The following IST1 variants were observed in gnomAD, a reference collection of about 807,000 sequenced individuals.
The protein encoded by IST1 is IST1 homolog.
In IST1, 23 loss-of-function variants were observed where a neutral mutation model predicts 37.0. The ratio of observed to expected loss-of-function variants is 0.62; its 90% CI spans 0.45 to 0.88. The LOEUF (loss-of-function observed/expected upper bound fraction) is 0.88. IST1 is among the 40% of genes least tolerant of loss of function. The pLI, the probability that IST1 is intolerant of heterozygous loss-of-function variation, is 0.00. For synonymous variants in IST1, 180 were observed against 161.7 expected (o/e 1.11, Z -0.86); for missense variants, 488 against 445.4 (o/e 1.10, Z -0.86).
Position 71,923,341 on chromosome 16 carries a change from T to TA in IST1, c.813_814insA (p.Pro272ThrfsTer12). On this transcript the variant is annotated frameshift_variant, in exon 8 of 10. Coordinates refer to ENST00000378799, the MANE Select transcript of IST1 (RefSeq NM_001270975.2). LOFTEE classifies it high-confidence loss of function. The stretch of plus-strand genomic sequence containing the variant: ...CTTATCAGGCCTTTCCCAATATTCA[T>TA]CCACCTCAGATACCAGCAACTCCCC... 6.2e-7 allele frequency: 1 copy of TA among 1,612,642 alleles called. No homozygotes were observed. Among genetic ancestry groups the TA allele is most frequent in the Non-Finnish European group, 8.5e-7 (1 of 1,178,814 alleles).
rs904184298 is a variant in IST1, at chr16:71,929,979, C to A, written c.*2166C>A. 1.6e-5 allele frequency: 23 copies of A among 1,425,874 alleles called. No homozygotes were observed. In the South Asian group the frequency reaches 2.9e-4, roughly 18 times the overall value. The allele number at this position is 1,425,874 out of a possible 1,614,324, so 88.3% of individuals were successfully genotyped here. On this transcript the variant is annotated 3_prime_UTR_variant, in exon 10 of 10. Coordinates refer to ENST00000378799, the MANE Select transcript of IST1 (RefSeq NM_001270975.2). ...TGCATTATAAATTATGTCAGCCCGT[C>A]ATCTTAGGGGCAGTTACAGTGGAGC...
At chr16:71,894,972 G>C (rs201907905), upstream of IST1, 57 of 761,170 alleles carry the variant, frequency 7.5e-5, no homozygotes, top group East Asian at 1.6e-3. Context: ...AGCGATGCTG[G>C]TCCAAAGGGC....
intron 6 of IST1, 137 bp downstream of exon 6, chr16:71,921,590 A>T (rs1310141070): frequency 1.7e-6 from 1 of 605,950 alleles, no homozygotes; most frequent in Non-Finnish European, 2.9e-6. Context: ...TTATGACAAT[A>T]AATGTGCCTG....
chr16:71,904,502 T>A (rs528377078), intron 1 of IST1, among the ~76,000 whole-genome samples: 1 of 152,186 alleles, frequency 6.6e-6, no homozygotes, highest in Non-Finnish European at 1.5e-5. Flanking sequence ...AGCCTTGACC[T>A]CCTGGGCTTA....
chr16:71,896,194 G>A (rs552614913), intron 1 of IST1, among the ~76,000 whole-genome samples: 1 of 152,196 alleles, frequency 6.6e-6, no homozygotes, highest in Non-Finnish European at 1.5e-5. Context: ...GAGAGGTCTT[G>A]GAAGGATCCT....
chr16:71,894,930 GA>G, upstream of IST1: 1 of 1,076,436 alleles, frequency 9.3e-7, no homozygotes, highest in East Asian at 2.6e-5. Flanking sequence ...TGGTGCTGAG[GA>G]AACACTACTG....
At chr16:71,903,342 A>G (rs1013205545) in intron 1 of IST1, 1 of 152,164 alleles carries the variant, frequency 6.6e-6, no homozygotes, top group Non-Finnish European at 1.5e-5. Context: ...CCTTAGCTAC[A>G]TCCCACAAAT....
intron 9 of IST1, among the ~76,000 whole-genome samples, chr16:71,925,572 C>A (rs980450514): frequency 2.6e-5 from 4 of 152,220 alleles, no homozygotes; most frequent in Admixed American, 6.5e-5. Context: ...CCTCAGCCTC[C>A]CAAAGTGCTG....
chr16:71,898,357 ACT>A (rs1233364266), intron 1 of IST1, among the ~76,000 whole-genome samples: 1 of 112,518 alleles, frequency 8.9e-6, no homozygotes, highest in Non-Finnish European at 1.7e-5. Context: ...TGACAGAGAC[ACT>A]CTCTCTCTCA....
chr16:71,929,217 T>G lies in IST1; in HGVS notation c.*1404T>G, dbSNP rs770283292. On this transcript the variant is annotated 3_prime_UTR_variant, in exon 10 of 10. Transcript: ENST00000378799. ...CAGTGGCAGGGCTCCGCATCTGCCA[T>G]GCCTCATCCTTGGATGTTTATTTTT... The G allele has an allele frequency of 4.6e-6, 1 of 215,084 alleles. No homozygotes were observed. Among genetic ancestry groups the G allele is most frequent in the South Asian group, 8.5e-5 (1 of 11,810 alleles). The allele number at this position is 215,084 out of a possible 1,614,324, so 13.3% of individuals were successfully genotyped here. A position where few individuals can be genotyped will look rare whatever the true frequency, so the allele number is the denominator to read the frequency against.
At chr16:71,915,456 T>G in intron 1 of IST1, 170 bp from the exon 2 acceptor site, 1 of 523,104 alleles carries the variant, frequency 1.9e-6, no homozygotes. Context: ...CCCCAATCAG[T>G]TTTTTTTACA....
chr16:71,909,458 C>G (rs1041574161), intron 1 of IST1, among the ~76,000 whole-genome samples: 2 of 152,164 alleles, frequency 1.3e-5, no homozygotes, highest in African/African-American at 4.8e-5. Flanking sequence ...CTTACTACCA[C>G]AAAATGCATA....
Position 71,906,030 on chromosome 16 carries a change from A to G in IST1, c.-15-9596A>G, listed in dbSNP as rs1392357668. Among the ~76,000 whole-genome samples the G allele has an allele frequency of 3.4e-5, 5 of 146,296 alleles. No homozygotes were observed. In the East Asian group the frequency reaches 8.1e-4, roughly 24 times the overall value. On this transcript the variant is annotated intron_variant, in intron 1 of 9. Transcript: ENST00000378799. ...TTTTTTTTTTTTTTTTGGAGACAGA[A>G]TCTCACTCTGTCACTGAGGCTGGAG...
intron 8 of IST1, 71 bp from the exon 9 acceptor site, chr16:71,924,698 A>T (rs1159339762): frequency 4.2e-6 from 5 of 1,190,944 alleles, no homozygotes; most frequent in South Asian, 1.2e-5. Flanking sequence ...TTGGAAACAC[A>T]GGGGCTTACA....
rs1274036856 is a variant in IST1 at position 71,923,315 on chromosome 16, A to G, written c.787A>G (p.Thr263Ala). 9.9e-6 allele frequency: 16 copies of G among 1,611,450 alleles called. No homozygotes were observed. The highest frequency in any genetic ancestry group is 1.3e-5 in the Non-Finnish European group (15 of 1,178,128). The change falls in exon 8 of 10, where the codon ACT (threonine) becomes GCT (alanine). Residue 263 changes from threonine (T) to alanine (A), a missense_variant. Thr to Ala is a moderately conservative substitution (Grantham distance 58, BLOSUM62 0). Transcript: ENST00000378799. ...PSDFNGLPMG[T>A]YQAFPNIHPP... is the part of the protein sequence containing the mutation. Reference sequence around the variant, plus strand: ...AGATTTCAATGGACTGCCAATGGGGACTTATCAGGCCTTTCCCAATATTCA... The same window carrying G: ...AGATTTCAATGGACTGCCAATGGGGGCTTATCAGGCCTTTCCCAATATTCA...
intron 1 of IST1, among the ~76,000 whole-genome samples, chr16:71,899,179 T>G (rs956120437): frequency 2.0e-5 from 3 of 151,654 alleles, no homozygotes; most frequent in Middle Eastern, 6.4e-3. Flanking sequence ...GATCTTACAG[T>G]TTTTTTTTTA....
intron 1 of IST1, among the ~76,000 whole-genome samples, chr16:71,911,772 A>C (rs575619185): frequency 1.5e-5 from 2 of 135,364 alleles, no homozygotes; most frequent in African/African-American, 5.7e-5. Context: ...GCTGGAGTGC[A>C]GTGGCACAGT....
chr16:71,927,646 C>T lies in IST1; in HGVS notation c.934C>T (p.Leu312Phe), dbSNP rs1221299181. 6.2e-7 allele frequency: 1 copy of T among 1,613,938 alleles called. No homozygotes were observed. The highest frequency in any genetic ancestry group is 1.1e-5 in the South Asian group (1 of 91,068). Residue 312 changes from leucine (L) to phenylalanine (F), a missense_variant, in exon 10 of 10, where the codon CTT (leucine) becomes TTT (phenylalanine). By Grantham distance (22) the Leu-to-Phe change is conservative. Transcript: ENST00000378799. ...ACCCAAGCCAGAAGCCTCTGCAAAG[C>T]TTCCTTCCAGACCTGCAGATAACTA... The part of the protein sequence containing the change: ...PGPKPEASAK[L>F]PSRPADNYDN...
At chr16:71,923,127 C>T (rs1010103627) in intron 7 of IST1, among the ~76,000 whole-genome samples, 161 bp from the exon 8 acceptor site, 2 of 152,068 alleles carry the variant, frequency 1.3e-5, no homozygotes, top group Non-Finnish European at 2.9e-5. Context: ...ATCTGGAATC[C>T]TGACCACATG....
Sources: gnomAD v4.1 joint callset for allele counts (sites outside exome capture counted in the v4.1 genomes callset) on GRCh38, gnomAD v4.1.1 for gene constraint, MANE v1.5 for transcripts, NCBI Gene and HGNC (gene_info 2026-07-23, HGNC 2026-07-21) for gene names.